ZDBF2: variants seen among roughly 807,000 people sequenced by gnomAD.
ZDBF2 encodes zinc finger DBF-type containing 2, also known as DBF4-type zinc finger-containing protein 2.
Under a neutral mutation model 9.4 loss-of-function variants are expected in ZDBF2, and 6 were observed. The observed-to-expected ratio is 0.64, with a 90% CI of 0.35 to 1.27. The LOEUF (loss-of-function observed/expected upper bound fraction) is 1.27. ZDBF2 is among the 50% of genes most tolerant of loss of function. ZDBF2 has a pLI of 0.03. For missense variants in ZDBF2, 2,697 were observed against 2,766.8 expected (o/e 0.97, Z 0.57); for synonymous variants, 905 against 946.3 (o/e 0.96, Z 0.80).
intron 3 of ZDBF2, among the ~76,000 whole-genome samples, chr2:206,291,332 C>A (rs1353072257): frequency 6.6e-6 from 1 of 152,142 alleles, no homozygotes; most frequent in Non-Finnish European, 1.5e-5. Flanking sequence ...AGAGTTTACG[C>A]TCCTATGAGG....
chr2:206,310,039 A>G lies in ZDBF2; in HGVS notation c.5511A>G (p.Arg1837=). 6.2e-7 allele frequency: 1 copy of G among 1,613,734 alleles called. No homozygotes were observed. Among genetic ancestry groups the G allele is most frequent in the African/African-American group, 1.3e-5 (1 of 75,002 alleles). Residue 1837 remains arginine (R), a synonymous_variant, in exon 5 of 5, where the codon AGA becomes AGG. Coordinates refer to ENST00000374423, the MANE Select transcript of ZDBF2 (RefSeq NM_020923.3). The stretch of plus-strand genomic sequence containing the variant: ...GGAAAACATGGTCTCAGATAATGAG[A>G]GAAGATGACATAAAAATTAATGCTC... The part of the protein sequence containing the change: ...FVGKTWSQIM[R]EDDIKINALV...
At chr2:206,279,887 C>T (rs1287625570) in intron 2 of ZDBF2, among the ~76,000 whole-genome samples, 1 of 152,206 alleles carries the variant, frequency 6.6e-6, no homozygotes, top group African/African-American at 2.4e-5. Context: ...ATGCTGCAGC[C>T]TCCACCTCCT....
intron 3 of ZDBF2, among the ~76,000 whole-genome samples, chr2:206,288,710 G>C (rs2105912912): frequency 6.6e-6 from 1 of 152,246 alleles, no homozygotes; most frequent in South Asian, 2.1e-4. Context: ...GCACCCCCTA[G>C]TAGCTGGGGC....
chr2:206,309,279 G>T lies in ZDBF2; in HGVS notation c.4751G>T (p.Cys1584Phe), dbSNP rs201241945. 60 of 1,611,656 alleles carry T rather than the reference G, an allele frequency of 3.7e-5. No individual in the cohort carries two copies. The East Asian group carries it at 1.3e-3, about 36-fold the overall frequency. ...GACTTTTTTGGTTCTGAAGTCAGAT[G>T]TAATTGTAAAGCCTCTACTCCCTCA... ...SCDFFGSEVR[C>F]NCKASTPSMT... Residue 1584 changes from cysteine (C) to phenylalanine (F), a missense_variant, in exon 5 of 5, where the codon TGT becomes TTT. Physicochemically the swap from Cys to Phe is radical, Grantham distance 205 (BLOSUM62 -2). This residue lies in a region of ZDBF2 where 1,783 missense variants were observed against 1,776.5 expected (regional missense o/e 1.00). Coordinates refer to ENST00000374423, the MANE Select transcript of ZDBF2 (RefSeq NM_020923.3).
At chr2:206,278,036 C>T (rs1307569100) in intron 1 of ZDBF2, among the ~76,000 whole-genome samples, 1 of 152,030 alleles carries the variant, frequency 6.6e-6, no homozygotes, top group Non-Finnish European at 1.5e-5. Flanking sequence ...TATGAAGGTG[C>T]TCATTATATG....
At chr2:206,293,941 A>G (rs1243938471) in intron 3 of ZDBF2, among the ~76,000 whole-genome samples, 1 of 152,172 alleles carries the variant, frequency 6.6e-6, no homozygotes, top group East Asian at 1.9e-4. Context: ...AGACACATAC[A>G]AGAAGGTTCT....
chr2:206,275,242 A>T (rs1359991187), intron 1 of ZDBF2, among the ~76,000 whole-genome samples: 1 of 151,972 alleles, frequency 6.6e-6, no homozygotes, highest in Admixed American at 6.5e-5. Context: ...CCGGCGGACG[A>T]GGCCTCGGGT....
chr2:206,277,673 G>A lies in ZDBF2; in HGVS notation c.-102-1867G>A, dbSNP rs547280004. ...TAGAGGAACAAAAATGGAAACTCGG[G>A]TGAATTACGATGTTGTTTGTGAAAA... On this transcript the variant is annotated intron_variant, in intron 1 of 4. Transcript: ENST00000374423. Among the ~76,000 whole-genome samples, 90 of 149,176 alleles carry A rather than the reference G, an allele frequency of 6.0e-4. 1 individual carries two copies. The highest frequency in any genetic ancestry group is 2.0e-3 in the African/African-American group (83 of 40,512).
At chr2:206,275,840 G>A (rs1177183927) in intron 1 of ZDBF2, among the ~76,000 whole-genome samples, 1 of 152,176 alleles carries the variant, frequency 6.6e-6, no homozygotes, top group Non-Finnish European at 1.5e-5. Flanking sequence ...TACATAAGGG[G>A]TGTTTATTTG....
At chr2:206,301,839 T>A (rs915460844) in intron 4 of ZDBF2, among the ~76,000 whole-genome samples, 15 of 152,128 alleles carry the variant, frequency 9.9e-5, no homozygotes, top group Non-Finnish European at 2.1e-4. Flanking sequence ...TTGTTATCTT[T>A]TTCGTCTTAA....
chr2:206,299,177 G>A (rs773596113), intron 4 of ZDBF2, among the ~76,000 whole-genome samples: 1 of 151,904 alleles, frequency 6.6e-6, no homozygotes, highest in African/African-American at 2.4e-5. Context: ...CAACACGCCC[G>A]GCCACATGCA....
In ZDBF2 at chr2:206,311,248, C is replaced by T; in HGVS notation, c.6720C>T (p.Ser2240=). ...YSVFLRHRYQ[S]RSAFLGRYLK... is the part of the protein sequence containing the mutation. Reference sequence around the variant, plus strand: ...TCTTTTTACGTCATAGATATCAGTCCAGGAGCGCTTTTCTTGGAAGGTATC... The same window carrying T: ...TCTTTTTACGTCATAGATATCAGTCTAGGAGCGCTTTTCTTGGAAGGTATC... The change falls in exon 5 of 5, where the codon TCC becomes TCT. Residue 2240 remains serine (S), a synonymous_variant. Coordinates refer to ENST00000374423, the MANE Select transcript of ZDBF2 (RefSeq NM_020923.3). The T allele has an allele frequency of 6.2e-7, 1 of 1,611,712 alleles. No homozygotes were observed. Among genetic ancestry groups the T allele is most frequent in the Non-Finnish European group, 8.5e-7 (1 of 1,178,630 alleles).
chr2:206,286,839 G>C (rs963313076), intron 3 of ZDBF2, among the ~76,000 whole-genome samples: 4 of 152,162 alleles, frequency 2.6e-5, no homozygotes, highest in African/African-American at 4.8e-5. Flanking sequence ...ATTGATATGC[G>C]AGGAATTGCT....
chr2:206,303,942 G>T (rs1273978590), intron 4 of ZDBF2, among the ~76,000 whole-genome samples: 3 of 151,916 alleles, frequency 2.0e-5, no homozygotes, highest in East Asian at 3.9e-4. Context: ...TATTTAACCA[G>T]TACCCAGTTA....
At chr2:206,297,535 G>A (rs968750850) in intron 4 of ZDBF2, among the ~76,000 whole-genome samples, 162 bp downstream of exon 4, 1 of 152,134 alleles carries the variant, frequency 6.6e-6, no homozygotes, top group African/African-American at 2.4e-5. Flanking sequence ...CTTAGCTGAA[G>A]TAAGAAATTT....
Position 206,309,724 on chromosome 2 carries a change from A to G in ZDBF2, c.5196A>G (p.Leu1732=), listed in dbSNP as rs1574424112. 6.2e-7 allele frequency: 1 copy of G among 1,613,942 alleles called. No homozygotes were observed. The highest frequency in any genetic ancestry group is 1.1e-5 in the South Asian group (1 of 91,080). Residue 1732 remains leucine (L), a synonymous_variant, in exon 5 of 5, where the codon CTA becomes CTG. Coordinates refer to ENST00000374423, the MANE Select transcript of ZDBF2 (RefSeq NM_020923.3). ...RRADKKKRSK[L]KHRDLEVSCE... Reference sequence around the variant, plus strand: ...CTGATAAAAAAAAACGTTCGAAGCTAAAACATAGAGATCTAGAAGTGAGCT... The same window carrying G: ...CTGATAAAAAAAAACGTTCGAAGCTGAAACATAGAGATCTAGAAGTGAGCT...
At chr2:206,287,015 G>A (rs1212564322) in intron 3 of ZDBF2, among the ~76,000 whole-genome samples, 2 of 152,164 alleles carry the variant, frequency 1.3e-5, no homozygotes, top group South Asian at 2.1e-4. Context: ...CTGTGTTCCA[G>A]TTGCAGGTGC....
At position 206,310,688 on chromosome 2, in the gene ZDBF2, G is replaced by A. The variant is rs1344206576; in HGVS notation, c.6160G>A (p.Glu2054Lys). The A allele has an allele frequency of 1.2e-6, 2 of 1,612,970 alleles. No individual in the cohort carries two copies. The highest frequency in any genetic ancestry group is 1.3e-5 in the African/African-American group (1 of 74,986). Residue 2054 changes from glutamate to lysine, a missense_variant, in exon 5 of 5, where the codon GAG becomes AAG. Coordinates refer to ENST00000374423, the MANE Select transcript of ZDBF2 (RefSeq NM_020923.3). ...TAAACGGAATATCTTTGATTATTATGAGCCCTTGATTAAGCAAATTGTAAT... is the reference window on the plus strand; with the variant it reads ...TAAACGGAATATCTTTGATTATTATAAGCCCTTGATTAAGCAAATTGTAAT... ...KYKRNIFDYY[E>K]PLIKQIVISP...
In ZDBF2 at chr2:206,306,323, A is replaced by G. The variant is rs772909199; in HGVS notation, c.1795A>G (p.Thr599Ala). 1 of 1,613,730 alleles carries G rather than the reference A, an allele frequency of 6.2e-7. No individual in the cohort carries two copies. The change falls in exon 5 of 5, where the codon ACT becomes GCT. Residue 599 changes from threonine (T) to alanine (A), a missense_variant. Transcript: ENST00000374423. The stretch of plus-strand genomic sequence containing the variant: ...GTCAGTAGTTGATCATCCCCAACTG[A>G]CTGTCAAAGGAAGAAACCTGAAAGG... ...LESVVDHPQL[T>A]VKGRNLKGRQ...
Sources: gnomAD v4.1 joint callset for allele counts (sites outside exome capture counted in the v4.1 genomes callset) on GRCh38, gnomAD v4.1.1 for gene constraint, gnomAD v4.1.1 regional missense constraint, MANE v1.5 for transcripts, NCBI Gene and HGNC (gene_info 2026-07-23, HGNC 2026-07-21) for gene names.